RGS6: variants seen among roughly 807,000 people sequenced by gnomAD.
RGS6 encodes regulator of G protein signaling 6, also known as regulator of G-protein signaling 6.
A neutral mutation model predicts 78.5 loss-of-function variants in RGS6; 30 were observed. The ratio of observed to expected loss-of-function variants is 0.38; its 90% CI spans 0.29 to 0.52. The LOEUF is 0.52. RGS6 is among the 20% of genes least tolerant of loss of function. RGS6 has a pLI of 0.85. For missense variants in RGS6, 495 were observed against 609.7 expected, an observed-to-expected ratio of 0.81 and a Z score of 1.98; for synonymous variants, 206 against 206.0, an observed-to-expected ratio of 1.00 and a Z score of 0.00.
intron 13 of RGS6, among the ~76,000 whole-genome samples, chr14:72,495,493 A>G (rs940359028): frequency 1.3e-5 from 2 of 152,136 alleles, no homozygotes; most frequent in Non-Finnish European, 2.9e-5. Flanking sequence ...ATGATAACTG[A>G]GACAGTCCCT....
intron 2 of RGS6, among the ~76,000 whole-genome samples, chr14:72,278,551 G>A (rs12184980): frequency 0.61 from 92,839 of 152,142 alleles, 28,442 homozygotes; most frequent in Non-Finnish European, 0.64. Context: ...CCTGTTTTCA[G>A]GGAACTTCAC....
chr14:72,122,708 A>T (rs1405253357), intron 2 of RGS6, among the ~76,000 whole-genome samples: 1 of 151,314 alleles, frequency 6.6e-6, no homozygotes, highest in Non-Finnish European at 1.5e-5. Context: ...TCTGAATCAG[A>T]ATGAGGCCAG....
intron 2 of RGS6, among the ~76,000 whole-genome samples, chr14:72,163,645 GA>G (rs1045356917): frequency 6.6e-6 from 1 of 152,234 alleles, no homozygotes; most frequent in Non-Finnish European, 1.5e-5. Flanking sequence ...AGTACTTTGG[GA>G]GGCTGAGGTG....
chr14:72,329,018 CCCA>C (rs2074395689), intron 2 of RGS6, among the ~76,000 whole-genome samples: 1 of 152,128 alleles, frequency 6.6e-6, no homozygotes, highest in South Asian at 2.1e-4. Context: ...ATTACAGGTG[CCCA>C]CCACCACACC....
chr14:72,214,169 ATTTTCTTATT>A (rs2044928308), intron 2 of RGS6, among the ~76,000 whole-genome samples: 1 of 141,702 alleles, frequency 7.1e-6, no homozygotes, highest in Admixed American at 7.0e-5. Flanking sequence ...TACACTGTTT[ATTTTCTTATT>A]TTTTTTTTTT....
At chr14:72,179,124 G>C (rs2153695805) in intron 2 of RGS6, among the ~76,000 whole-genome samples, 1 of 152,314 alleles carries the variant, frequency 6.6e-6, no homozygotes, top group East Asian at 1.9e-4. Context: ...TGCTTTGAAA[G>C]GTGAAAATAG....
intron 2 of RGS6, among the ~76,000 whole-genome samples, chr14:72,302,976 C>G (rs1268161196): frequency 1.3e-5 from 2 of 152,230 alleles, no homozygotes; most frequent in Non-Finnish European, 2.9e-5. Flanking sequence ...TCCCTGCCGC[C>G]ATGTAAGACA....
intron 15 of RGS6, among the ~76,000 whole-genome samples, chr14:72,523,688 G>A (rs1288838601): frequency 3.9e-5 from 6 of 152,152 alleles, no homozygotes; most frequent in Admixed American, 1.3e-4. Flanking sequence ...TTGCTGATCC[G>A]TTTAGCTTTT....
intron 1 of RGS6, among the ~76,000 whole-genome samples, chr14:71,953,969 G>GTTTTTTTTTT (rs3053026): frequency 6.3e-4 from 48 of 76,028 alleles, no homozygotes; most frequent in African/African-American, 9.5e-4. Flanking sequence ...CTAAGTGGGC[G>GTTTTTTTTTT]TTTTTTTTTT....
the RGS6 span, among the ~76,000 whole-genome samples, chr14:71,870,675 G>T: frequency 6.6e-6 from 1 of 152,182 alleles, no homozygotes; most frequent in Non-Finnish European, 1.5e-5. Context: ...TACTGTCACT[G>T]TTTGATTCTG....
chr14:72,186,252 C>G (rs544853924), intron 2 of RGS6, among the ~76,000 whole-genome samples: 1 of 152,226 alleles, frequency 6.6e-6, no homozygotes, highest in Non-Finnish European at 1.5e-5. Context: ...TAGACAAAAT[C>G]TGTCTGCTAT....
intron 3 of RGS6, among the ~76,000 whole-genome samples, chr14:72,431,525 ATTTATTTTATTTTAT>A (rs56081815): frequency 2.5e-4 from 37 of 147,638 alleles, no homozygotes; most frequent in Non-Finnish European, 4.3e-4. Context: ...ATTTTGTTTT[ATTTATTTTATTTTAT>A]TTTATTTTAT....
chr14:72,366,103 A>G (rs2082393807), intron 3 of RGS6, among the ~76,000 whole-genome samples: 1 of 152,184 alleles, frequency 6.6e-6, no homozygotes, highest in Non-Finnish European at 1.5e-5. Context: ...GTATTAGTCT[A>G]TCTGCTACCC....
At chr14:72,550,696 A>AAT in intron 17 of RGS6, 2 of 1,436,264 alleles carry the variant, frequency 1.4e-6, no homozygotes, top group Non-Finnish European at 1.8e-6. Flanking sequence ...GTGAGTCATC[A>AAT]CAATCCGGTG....
chr14:72,519,988 A>G (rs1253332833), intron 15 of RGS6, among the ~76,000 whole-genome samples: 7 of 152,244 alleles, frequency 4.6e-5, no homozygotes, highest in Non-Finnish European at 1.0e-4. Flanking sequence ...AAGTGGAAAC[A>G]GCAAAACAGC....
At chr14:72,379,119 A>T (rs2085423960) in intron 3 of RGS6, among the ~76,000 whole-genome samples, 1 of 152,178 alleles carries the variant, frequency 6.6e-6, no homozygotes, top group Non-Finnish European at 1.5e-5. Context: ...AAAGCATTCA[A>T]TACAATTCAA....
intron 15 of RGS6, among the ~76,000 whole-genome samples, chr14:72,521,013 T>C (rs1462817490): frequency 6.6e-6 from 1 of 152,140 alleles, no homozygotes; most frequent in Non-Finnish European, 1.5e-5. Context: ...GCACTTAGAG[T>C]GTTTCATTGT....
At chr14:72,403,185 G>C (rs1019611454) in intron 3 of RGS6, among the ~76,000 whole-genome samples, 4 of 152,172 alleles carry the variant, frequency 2.6e-5, no homozygotes, top group African/African-American at 9.7e-5. Context: ...CAATCGCTAA[G>C]ATATTGAATC....
At chr14:72,392,179 C>T (rs1373929768) in intron 3 of RGS6, among the ~76,000 whole-genome samples, 1 of 148,070 alleles carries the variant, frequency 6.8e-6, no homozygotes, top group African/African-American at 2.6e-5. Flanking sequence ...TATACACATA[C>T]ATACACAAAT....
Sources: gnomAD v4.1 joint callset for allele counts (sites outside exome capture counted in the v4.1 genomes callset) on GRCh38, gnomAD v4.1.1 for gene constraint, MANE v1.5 for transcripts, NCBI Gene and HGNC (gene_info 2026-07-23, HGNC 2026-07-21) for gene names.